The following ASCC3 variants were observed in gnomAD, a reference collection of about 807,000 sequenced individuals.
ASCC3 encodes ASC-1 complex subunit P200.
A neutral mutation model predicts 256.3 loss-of-function variants in ASCC3; 158 were observed. The observed-to-expected ratio is 0.62, with a 90% CI of 0.54 to 0.70. ASCC3 has a LOEUF of 0.70. ASCC3 is among the 30% of genes least tolerant of loss of function. ASCC3 has a pLI of 0.00. For missense variants in ASCC3, 2,259 were observed against 2,626.0 expected (o/e 0.86, Z 3.05); for synonymous variants, 948 against 883.4 (o/e 1.07, Z -1.30).
intron 24 of ASCC3, among the ~76,000 whole-genome samples, chr6:100,640,908 A>C (rs184566355): frequency 9.8e-5 from 15 of 152,322 alleles, no homozygotes; most frequent in African/African-American, 3.6e-4. Flanking sequence ...CTGCCAAATA[A>C]TGAGTTCATT....
intron 4 of ASCC3, among the ~76,000 whole-genome samples, chr6:100,837,705 A>G (rs538691236): frequency 1.2e-3 from 183 of 152,202 alleles, no homozygotes; most frequent in African/African-American, 4.3e-3. Context: ...GAGAGAGTAC[A>G]ATAGTGATTA....
chr6:100,570,130 T>C (rs920933418), intron 36 of ASCC3, among the ~76,000 whole-genome samples: 1 of 152,242 alleles, frequency 6.6e-6, no homozygotes, highest in Non-Finnish European at 1.5e-5. Flanking sequence ...TACACTGAGT[T>C]TGTATCCTGG....
chr6:100,628,973 A>T lies in ASCC3; in HGVS notation c.4375+42T>A, dbSNP rs749460387. 10 of 1,573,366 alleles carry T rather than the reference A, an allele frequency of 6.4e-6. No individual in the cohort carries two copies. The East Asian group carries it at 2.0e-4, about 32-fold the overall frequency. On this transcript the variant is annotated intron_variant, in intron 27 of 41. Transcript: ENST00000369162. ...AATACTAATAATTAATATTTTACAAAGTTAAAGTTTGTAAACTGGCTTTAG... is the reference window on the plus strand; with the variant it reads ...AATACTAATAATTAATATTTTACAATGTTAAAGTTTGTAAACTGGCTTTAG...
At chr6:100,654,416 T>C (rs1775821756) in intron 17 of ASCC3, among the ~76,000 whole-genome samples, 1 of 152,094 alleles carries the variant, frequency 6.6e-6, no homozygotes, top group Admixed American at 6.6e-5. Context: ...CCTAGTACTT[T>C]AAAGTCAATT....
intron 37 of ASCC3, among the ~76,000 whole-genome samples, chr6:100,519,166 T>A (rs182721051): frequency 6.6e-6 from 1 of 152,252 alleles, no homozygotes; most frequent in African/African-American, 2.4e-5. Flanking sequence ...AATATCCCAC[T>A]CTGTTCTCTA....
intron 24 of ASCC3, among the ~76,000 whole-genome samples, chr6:100,641,892 T>C (rs1775136154): frequency 6.6e-6 from 1 of 151,976 alleles, no homozygotes; most frequent in African/African-American, 2.4e-5. Context: ...AAACCATCAT[T>C]CTCAGTAAAC....
At position 100,570,785 on chromosome 6, in the gene ASCC3, T is replaced by C. The variant is rs372347250; in HGVS notation, c.5550+18849A>G. 1.4e-4 allele frequency among the ~76,000 whole-genome samples: 21 copies of C among 152,312 alleles called. No homozygotes were observed. The East Asian group carries it at 2.5e-3, about 18-fold the overall frequency. On this transcript the variant is annotated intron_variant, in intron 36 of 41. Coordinates refer to ENST00000369162, the MANE Select transcript of ASCC3 (RefSeq NM_006828.4). Reference sequence around the variant, plus strand: ...ATTCATTGCTTTTCACCTCAATTAATGGTATTCTCTCTCACCAAATTGTTC... The same window carrying C: ...ATTCATTGCTTTTCACCTCAATTAACGGTATTCTCTCTCACCAAATTGTTC...
intron 39 of ASCC3, among the ~76,000 whole-genome samples, chr6:100,514,502 T>A (rs905660889): frequency 1.2e-4 from 19 of 152,256 alleles, no homozygotes; most frequent in African/African-American, 4.3e-4. Context: ...GGATTTTACT[T>A]TACAAAGTCC....
chr6:100,642,175 A>C (rs1256415272), intron 24 of ASCC3, among the ~76,000 whole-genome samples: 1 of 151,748 alleles, frequency 6.6e-6, no homozygotes, highest in Non-Finnish European at 1.5e-5. Flanking sequence ...AAAAAAAAAA[A>C]CTAATATAAA....
At chr6:100,628,974 GT>G (rs758414778) in intron 27 of ASCC3, 40 bp downstream of exon 27, 38 of 1,573,134 alleles carry the variant, frequency 2.4e-5, no homozygotes, top group Non-Finnish European at 3.2e-5. Flanking sequence ...ATTTTACAAA[GT>G]TAAAGTTTGT....
At chr6:100,675,797 T>C (rs1304764912) in intron 14 of ASCC3, among the ~76,000 whole-genome samples, 1 of 152,048 alleles carries the variant, frequency 6.6e-6, no homozygotes, top group Non-Finnish European at 1.5e-5. Context: ...ATCAGAAACA[T>C]ACGGTAAAGG....
At chr6:100,651,131 C>T (rs935387284) in intron 19 of ASCC3, among the ~76,000 whole-genome samples, 2 of 151,746 alleles carry the variant, frequency 1.3e-5, no homozygotes, top group South Asian at 4.1e-4. Flanking sequence ...TGGTATAATA[C>T]ATTCATAGCT....
chr6:100,569,443 G>A (rs886745302), intron 36 of ASCC3, among the ~76,000 whole-genome samples: 9 of 151,718 alleles, frequency 5.9e-5, no homozygotes, highest in Admixed American at 1.3e-4. Flanking sequence ...GTGCAGTGGC[G>A]CAATCTTGGC....
chr6:100,751,510 T>C lies in ASCC3; in HGVS notation c.1737+15055A>G, dbSNP rs1390002165. Among the ~76,000 whole-genome samples, 4 of 151,986 alleles carry C rather than the reference T, an allele frequency of 2.6e-5. No homozygotes were observed. The East Asian group carries it at 7.7e-4, about 29-fold the overall frequency. ...TGGCTTCCCAGTGTGTGAATATAAA[T>C]GCATTTTCCTATAGACACGTTACCA... On this transcript the variant is annotated intron_variant, in intron 10 of 41. Transcript: ENST00000369162.
At chr6:100,718,280 GTTAT>G (rs754170963) in intron 11 of ASCC3, 29 bp from the exon 12 acceptor site, 16 of 1,528,130 alleles carry the variant, frequency 1.0e-5, no homozygotes, top group Admixed American at 3.8e-5. Flanking sequence ...TTAAATATGG[GTTAT>G]TTAAATTAAT....
At chr6:100,767,634 A>G (rs1179080372) in intron 8 of ASCC3, among the ~76,000 whole-genome samples, 1 of 151,724 alleles carries the variant, frequency 6.6e-6, no homozygotes, top group Non-Finnish European at 1.5e-5. Flanking sequence ...TTTGAGACGG[A>G]GTCTCACTCT....
chr6:100,801,899 T>C (rs1179551792), intron 5 of ASCC3, among the ~76,000 whole-genome samples: 1 of 150,458 alleles, frequency 6.6e-6, no homozygotes, highest in East Asian at 1.9e-4. Flanking sequence ...TTTAAAAATG[T>C]ATTTATCAGA....
At chr6:100,738,666 T>C (rs1780292983) in intron 10 of ASCC3, among the ~76,000 whole-genome samples, 1 of 152,356 alleles carries the variant, frequency 6.6e-6, no homozygotes, top group Admixed American at 6.5e-5. Flanking sequence ...TCCAGCTTTG[T>C]TCTTTTTGCT....
intron 14 of ASCC3, among the ~76,000 whole-genome samples, chr6:100,673,851 T>G (rs906695602): frequency 1.3e-5 from 2 of 152,208 alleles, no homozygotes; most frequent in East Asian, 3.8e-4. Flanking sequence ...TAGCCCTCCA[T>G]GCACCTTACA....
Sources: allele counts gnomAD v4.1 joint callset (sites outside exome capture counted in the v4.1 genomes callset), GRCh38; gene constraint gnomAD v4.1.1; transcripts MANE v1.5; gene names NCBI Gene and HGNC (gene_info 2026-07-23, HGNC 2026-07-21).